The following GRAMD1C variants were observed in gnomAD, a reference collection of about 807,000 sequenced individuals.
The protein encoded by GRAMD1C is protein Aster-C.
Under a neutral mutation model 97.8 loss-of-function variants are expected in GRAMD1C, and 89 were observed. The observed-to-expected ratio is 0.91, with a 90% confidence interval of 0.77 to 1.09. The LOEUF is 1.09. Among genes scored for constraint, GRAMD1C ranks in the 50% least tolerant of loss-of-function variants. GRAMD1C has a pLI of 0.00. For missense variants in GRAMD1C, 740 were observed against 766.4 expected (o/e 0.97, Z 0.41); for synonymous variants, 256 against 267.0 (o/e 0.96, Z 0.40).
intron 10 of GRAMD1C, among the ~76,000 whole-genome samples, chr3:113,921,719 A>G (rs1388286611): frequency 6.6e-6 from 1 of 152,158 alleles, no homozygotes; most frequent in Non-Finnish European, 1.5e-5. Flanking sequence ...AGGGATGTTG[A>G]ACATTTTTTC....
At chr3:113,936,544 C>A in intron 14 of GRAMD1C, 102 bp downstream of exon 14, 1 of 677,674 alleles carries the variant, frequency 1.5e-6, no homozygotes, top group South Asian at 2.1e-5. Context: ...GTCTCCTTTT[C>A]TTCCCTCCTT....
At chr3:113,932,906 A>G (rs1937491272) in intron 11 of GRAMD1C, among the ~76,000 whole-genome samples, 2 of 142,888 alleles carry the variant, frequency 1.4e-5, no homozygotes, top group South Asian at 2.2e-4. Context: ...TTTTTGAGAC[A>G]GAGTCTTGCT....
intron 2 of GRAMD1C, among the ~76,000 whole-genome samples, chr3:113,848,842 G>T (rs1412671544): frequency 1.3e-5 from 2 of 152,114 alleles, no homozygotes; most frequent in East Asian, 3.9e-4. Context: ...AATTCTGTAT[G>T]TGAGAAATGA....
chr3:113,885,424 TATG>T, intron 6 of GRAMD1C: 1 of 1,571,218 alleles, frequency 6.4e-7, no homozygotes, highest in Admixed American at 1.7e-5. Flanking sequence ...AACTGTTCGA[TATG>T]ATATCCTCCC....
At chr3:113,892,095 A>C (rs551718348) in intron 6 of GRAMD1C, among the ~76,000 whole-genome samples, 2 of 152,220 alleles carry the variant, frequency 1.3e-5, no homozygotes, top group East Asian at 3.9e-4. Context: ...CAGTAAAATA[A>C]ATCCACAAGA....
Position 113,946,592 on chromosome 3 carries a change from G to A in GRAMD1C, c.*1114G>A, listed in dbSNP as rs1364051611. 1.3e-5 allele frequency: 2 copies of A among 152,206 alleles called. No homozygotes were observed. The highest frequency in any genetic ancestry group is 6.5e-5 in the Admixed American group (1 of 15,288). 9.4% of individuals were successfully genotyped at this position (152,206 alleles called of 1,614,324 possible). A position where few individuals can be genotyped will look rare whatever the true frequency, so the allele number is the denominator to read the frequency against. On this transcript the variant is annotated 3_prime_UTR_variant, in exon 18 of 18. Transcript: ENST00000358160. Reference sequence around the variant, plus strand: ...GACTTAAAATCAGATATTTTTTCAAGAGTTAGGGAAAGTTGAAGTGTTTTA... The same window carrying A: ...GACTTAAAATCAGATATTTTTTCAAAAGTTAGGGAAAGTTGAAGTGTTTTA...
At position 113,936,304 on chromosome 3, in the gene GRAMD1C, G is replaced by A. The variant is rs149750566; in HGVS notation, c.1495G>A (p.Ala499Thr). Reference sequence around the variant, plus strand: ...AATTGAAGAATCTGTATTAAATCAGGCCATTGAAGACCCTGGAAAACTTAC... The same window carrying A: ...AATTGAAGAATCTGTATTAAATCAGACCATTGAAGACCCTGGAAAACTTAC... The part of the protein sequence containing the change: ...LLIEESVLNQ[A>T]IEDPGKLTGL... The change falls in exon 14 of 18, where the codon GCC (alanine) becomes ACC (threonine). Residue 499 changes from alanine (A) to threonine (T), a missense_variant. Ala to Thr is a moderately conservative substitution (Grantham distance 58). Coordinates refer to ENST00000358160, the MANE Select transcript of GRAMD1C (RefSeq NM_017577.5). The A allele has an allele frequency of 6.9e-6, 11 of 1,605,610 alleles. No homozygotes were observed. Among genetic ancestry groups the A allele is most frequent in the East Asian group, 6.7e-5 (3 of 44,816 alleles).
chr3:113,855,215 G>A (rs1230580607), intron 2 of GRAMD1C, among the ~76,000 whole-genome samples: 4 of 152,190 alleles, frequency 2.6e-5, no homozygotes, highest in Non-Finnish European at 4.4e-5. Context: ...GGAGGCTGAG[G>A]CAGGAGGATT....
chr3:113,944,621 TAATAA>T (rs1324966693), intron 17 of GRAMD1C, among the ~76,000 whole-genome samples: 1 of 152,236 alleles, frequency 6.6e-6, no homozygotes, highest in Non-Finnish European at 1.5e-5. Flanking sequence ...GTCAAAAACT[TAATAA>T]AATATCTAAG....
At chr3:113,888,582 A>G (rs918078072) in intron 6 of GRAMD1C, among the ~76,000 whole-genome samples, 2 of 152,252 alleles carry the variant, frequency 1.3e-5, no homozygotes, top group African/African-American at 4.8e-5. Context: ...GGCGACCACA[A>G]TGTATATGCA....
At chr3:113,862,250 A>C (rs1934406370) in intron 2 of GRAMD1C, among the ~76,000 whole-genome samples, 1 of 152,200 alleles carries the variant, frequency 6.6e-6, no homozygotes. Context: ...TAAGCCTAGG[A>C]GTGCCACGGG....
rs573680507 is a variant in GRAMD1C, at chr3:113,899,659, T to G, written c.541-1372T>G. On this transcript the variant is annotated intron_variant, in intron 6 of 17. Transcript: ENST00000358160. ...CACCTTGCTTAAGCAGGTAATTAAC[T>G]ATCTGTAATGTTTTTAGACATCAGA... is the stretch of plus-strand genomic sequence containing the variant. Among the ~76,000 whole-genome samples the G allele has an allele frequency of 6.0e-4, 91 of 152,346 alleles. 1 individual carries two copies. The highest frequency in any genetic ancestry group is 1.9e-3 in the African/African-American group (80 of 41,584).
At chr3:113,869,755 A>G (rs1934719801) in intron 3 of GRAMD1C, among the ~76,000 whole-genome samples, 164 bp downstream of exon 3, 1 of 152,222 alleles carries the variant, frequency 6.6e-6, no homozygotes, top group Non-Finnish European at 1.5e-5. Context: ...CTGGGTAGAT[A>G]TCCAAAAGAA....
At chr3:113,839,423 A>G (rs1208844059) in intron 1 of GRAMD1C, among the ~76,000 whole-genome samples, 1 of 152,208 alleles carries the variant, frequency 6.6e-6, no homozygotes, top group Non-Finnish European at 1.5e-5. Context: ...GCTTATTAAT[A>G]TTCAGGATGA....
chr3:113,834,442 G>T (rs973741116), upstream of GRAMD1C, among the ~76,000 whole-genome samples: 4 of 152,092 alleles, frequency 2.6e-5, no homozygotes, highest in African/African-American at 9.7e-5. Context: ...GTCTCCTGAA[G>T]TGCTGGGATT....
At chr3:113,833,036 TGAACTG>T (rs1467808531) in intron 1 of GRAMD1C, among the ~76,000 whole-genome samples, 12 of 152,150 alleles carry the variant, frequency 7.9e-5, no homozygotes, top group Non-Finnish European at 8.8e-5. Context: ...ATTGTTTGCC[TGAACTG>T]TTATCCCTTG....
chr3:113,863,091 C>T (rs1032674224), intron 2 of GRAMD1C, among the ~76,000 whole-genome samples: 1 of 152,090 alleles, frequency 6.6e-6, no homozygotes, highest in Non-Finnish European at 1.5e-5. Context: ...TAGATATATA[C>T]CCCAGAGAAT....
chr3:113,878,925 G>A (rs1046171157), intron 5 of GRAMD1C, among the ~76,000 whole-genome samples: 5 of 151,916 alleles, frequency 3.3e-5, no homozygotes, highest in African/African-American at 7.3e-5. Context: ...AAAAATTCTC[G>A]GCCAGGCGCA....
intron 2 of GRAMD1C, among the ~76,000 whole-genome samples, chr3:113,860,967 TAAAAAAAAA>T (rs56315203): frequency 7.2e-6 from 1 of 138,496 alleles, no homozygotes; most frequent in Non-Finnish European, 1.6e-5. Context: ...AACTCCAACT[TAAAAAAAAA>T]AAAAAAGAAA....
Sources: allele counts gnomAD v4.1 joint callset (sites outside exome capture counted in the v4.1 genomes callset), GRCh38; gene constraint gnomAD v4.1.1; transcripts MANE v1.5; gene names NCBI Gene and HGNC (gene_info 2026-07-23, HGNC 2026-07-21).